The following UTRN variants were observed in gnomAD, a reference collection of about 807,000 sequenced individuals.
The protein encoded by UTRN is utrophin.
A neutral mutation model predicts 463.9 loss-of-function variants in UTRN; 283 were observed. The observed-to-expected ratio is 0.61, with a 90% CI of 0.55 to 0.67. UTRN has a LOEUF of 0.67. Among genes scored for constraint, UTRN ranks in the 30% least tolerant of loss-of-function variants. The pLI is 0.00. For missense variants in UTRN, 3,922 were observed against 4,084.3 expected, an observed-to-expected ratio of 0.96 and a Z score of 1.08; for synonymous variants, 1,442 against 1,431.5, an observed-to-expected ratio of 1.01 and a Z score of -0.17.
chr6:144,574,993 G>A (rs1342733653), intron 50 of UTRN, among the ~76,000 whole-genome samples: 1 of 152,040 alleles, frequency 6.6e-6, no homozygotes, highest in Admixed American at 6.6e-5. Context: ...TTTCAAAATG[G>A]CTGTACTTTT....
intron 3 of UTRN, among the ~76,000 whole-genome samples, chr6:144,404,349 G>A (rs895784965): frequency 5.3e-5 from 8 of 152,136 alleles, no homozygotes; most frequent in African/African-American, 1.9e-4. Context: ...ATTTTAGTTT[G>A]TTTTATTCCA....
chr6:144,814,231 T>C (rs1778880510), intron 65 of UTRN, among the ~76,000 whole-genome samples: 2 of 152,084 alleles, frequency 1.3e-5, no homozygotes, highest in Non-Finnish European at 2.9e-5. Context: ...CCCAGAGAGC[T>C]CTCTCTTCCC....
chr6:144,685,233 T>C lies in UTRN; in HGVS notation c.7652+6655T>C, dbSNP rs150467599. 4.0e-3 allele frequency among the ~76,000 whole-genome samples: 606 copies of C among 152,314 alleles called. 6 individuals are homozygous for C. Among genetic ancestry groups the C allele is most frequent in the Middle Eastern group, 0.02 (6 of 294 alleles). ...TGTATTCTTTTCTATGGCTGAGTGG[T>C]ATTTCATGGTATACACATACCACAT... On this transcript the variant is annotated intron_variant, in intron 52 of 74. Transcript: ENST00000367545.
At chr6:144,818,747 A>T (rs1318203061) in intron 65 of UTRN, among the ~76,000 whole-genome samples, 1 of 152,166 alleles carries the variant, frequency 6.6e-6, no homozygotes, top group African/African-American at 2.4e-5. Context: ...GCATATCTCT[A>T]CACTAAATTA....
intron 71 of UTRN, chr6:144,838,920 T>C (rs879361347): frequency 5.5e-6 from 2 of 363,700 alleles, no homozygotes; most frequent in Admixed American, 4.4e-5. Context: ...AACAGAAAAA[T>C]TGAGGGATAA....
At chr6:144,342,630 A>G (rs1777230442) in intron 2 of UTRN, among the ~76,000 whole-genome samples, 1 of 152,198 alleles carries the variant, frequency 6.6e-6, no homozygotes, top group South Asian at 2.1e-4. Flanking sequence ...AAAAAACCAT[A>G]TACTGTATGA....
chr6:144,508,377 T>C (rs1372233667), intron 34 of UTRN, among the ~76,000 whole-genome samples: 1 of 152,160 alleles, frequency 6.6e-6, no homozygotes, highest in Non-Finnish European at 1.5e-5. Flanking sequence ...GCCCTGGTGA[T>C]GTAGGCACCT....
At position 144,537,687 on chromosome 6, in the gene UTRN, C is replaced by T. The variant is rs756561764; in HGVS notation, c.6339C>T (p.Thr2113=). The change falls in exon 44 of 75, where the codon ACC becomes ACT. Residue 2113 remains threonine (T), a synonymous_variant. Transcript: ENST00000367545. ...ATGCTATGCAAAAGAGATCAACCAC[C>T]GAATTGGGAGAAAACCTGCAAGAAT... ...AEHAMQKRST[T]ELGENLQELR... 9 of 1,610,060 alleles carry T rather than the reference C, an allele frequency of 5.6e-6. No homozygotes were observed. In the Admixed American group the frequency reaches 6.7e-5, roughly 12 times the overall value.
chr6:144,343,321 CGA>C (rs925505187), intron 2 of UTRN, among the ~76,000 whole-genome samples: 4 of 149,682 alleles, frequency 2.7e-5, no homozygotes, highest in Admixed American at 1.3e-4. Context: ...AGCAGGAGTT[CGA>C]GACCAGCCTG....
chr6:144,824,597 TATATATATATATATATC>T (rs1288336798), intron 66 of UTRN, among the ~76,000 whole-genome samples: 829 of 61,470 alleles, frequency 0.013, 53 homozygotes, highest in African/African-American at 0.072. Flanking sequence ...TATATATATA[TATATATATATATATATC>T]TTTTTTTTTT....
At chr6:144,559,366 T>C (rs1349004752) in intron 50 of UTRN, among the ~76,000 whole-genome samples, 1 of 152,108 alleles carries the variant, frequency 6.6e-6, no homozygotes, top group Non-Finnish European at 1.5e-5. Context: ...TATTGTTATC[T>C]ATAAAACAGG....
chr6:144,479,569 A>G (rs1407271855), intron 25 of UTRN, among the ~76,000 whole-genome samples: 1 of 152,252 alleles, frequency 6.6e-6, no homozygotes, highest in African/African-American at 2.4e-5. Context: ...TGTCAAAATT[A>G]TAATAGCTAT....
In UTRN at chr6:144,487,624, G is replaced by A; in HGVS notation, c.3899G>A (p.Gly1300Glu). 7 of 1,613,736 alleles carry A rather than the reference G, an allele frequency of 4.3e-6. No individual in the cohort carries two copies. Among genetic ancestry groups the A allele is most frequent in the Non-Finnish European group, 5.9e-6 (7 of 1,179,796 alleles). Residue 1300 changes from glycine to glutamate, a missense_variant, in exon 29 of 75, where the codon GGG becomes GAG. Gly to Glu is a moderately conservative substitution (Grantham distance 98). Coordinates refer to ENST00000367545, the MANE Select transcript of UTRN (RefSeq NM_007124.3). ...GAGCTTGGCCAGACTCTGATTGATG[G>A]GGGGATCCTGGATGATATAATCAGT... is the stretch of plus-strand genomic sequence containing the variant. ...IRELGQTLID[G>E]GILDDIISEK...
At chr6:144,840,709 G>C in intron 72 of UTRN, 31 bp from the exon 73 acceptor site, 2 of 1,611,696 alleles carry the variant, frequency 1.2e-6, no homozygotes, top group Non-Finnish European at 1.7e-6. Flanking sequence ...AATTTGAGAA[G>C]CTTTGTTGTT....
intron 56 of UTRN, among the ~76,000 whole-genome samples, chr6:144,754,514 T>G (rs1017338726): frequency 2.0e-5 from 3 of 151,378 alleles, no homozygotes; most frequent in African/African-American, 7.3e-5. Context: ...TTACTATTAT[T>G]TGAGGTCAGA....
intron 65 of UTRN, among the ~76,000 whole-genome samples, chr6:144,808,489 C>T (rs1232184105): frequency 1.3e-5 from 2 of 152,176 alleles, no homozygotes; most frequent in East Asian, 3.9e-4. Context: ...AAATTAGAAA[C>T]ATTTTCATAT....
chr6:144,798,103 A>G (rs1586618587), intron 64 of UTRN, 113 bp downstream of exon 64: 2 of 1,424,988 alleles, frequency 1.4e-6, no homozygotes, highest in East Asian at 4.6e-5. Context: ...CTTTCTAAAT[A>G]AATGGTATGT....
intron 53 of UTRN, among the ~76,000 whole-genome samples, chr6:144,705,472 G>A (rs1056843609): frequency 2.0e-5 from 3 of 152,124 alleles, no homozygotes; most frequent in Non-Finnish European, 2.9e-5. Context: ...AGTAGATTTG[G>A]TGTCTGCCAA....
intron 2 of UTRN, among the ~76,000 whole-genome samples, chr6:144,320,937 T>A (rs1775597563): frequency 1.3e-5 from 2 of 151,824 alleles, no homozygotes; most frequent in South Asian, 4.1e-4. Context: ...GGGGATGGAG[T>A]GGGGGGAGGT....
Sources: gnomAD v4.1 joint callset for allele counts (sites outside exome capture counted in the v4.1 genomes callset) on GRCh38, gnomAD v4.1.1 for gene constraint, MANE v1.5 for transcripts, NCBI Gene and HGNC (gene_info 2026-07-23, HGNC 2026-07-21) for gene names.